The following ARID5B variants were observed in gnomAD, a reference collection of about 807,000 sequenced individuals.
The protein encoded by ARID5B is AT-rich interaction domain 5B, also known as AT-rich interactive domain-containing protein 5B.
A neutral mutation model predicts 97.2 loss-of-function variants in ARID5B; 13 were observed. The observed-to-expected ratio is 0.13, with a 90% CI of 0.09 to 0.21. The LOEUF is 0.21. Among genes scored for constraint, ARID5B ranks in the 10% least tolerant of loss-of-function variants. The pLI is 1.00. For missense variants in ARID5B, 1,210 were observed against 1,465.3 expected (o/e 0.83, Z 2.84); for synonymous variants, 556 against 570.3 (o/e 0.97, Z 0.36).
At chr10:61,903,293 G>C (rs1231722204) in intron 2 of ARID5B, among the ~76,000 whole-genome samples, 2 of 152,002 alleles carry the variant, frequency 1.3e-5, no homozygotes, top group African/African-American at 4.8e-5. Context: ...AGCCTCCCCG[G>C]CACGTTTCTG....
At chr10:62,036,703 A>G (rs1839569484) in intron 4 of ARID5B, among the ~76,000 whole-genome samples, 1 of 152,108 alleles carries the variant, frequency 6.6e-6, no homozygotes, top group South Asian at 2.1e-4. Context: ...CCCTGCAGAG[A>G]CCCAAATGGA....
At chr10:61,987,388 C>A (rs1838862506) in intron 3 of ARID5B, among the ~76,000 whole-genome samples, 1 of 152,202 alleles carries the variant, frequency 6.6e-6, no homozygotes, top group Admixed American at 6.5e-5. Context: ...TGCTACAGAC[C>A]TAGCTCCTGC....
intron 3 of ARID5B, among the ~76,000 whole-genome samples, chr10:61,987,896 A>G (rs1838868725): frequency 6.6e-6 from 1 of 152,166 alleles, no homozygotes; most frequent in South Asian, 2.1e-4. Context: ...CAATTTGTTT[A>G]TTGTCTTTTA....
chr10:61,922,341 G>A (rs910170004), intron 2 of ARID5B, among the ~76,000 whole-genome samples: 6 of 150,946 alleles, frequency 4.0e-5, no homozygotes, highest in Admixed American at 6.6e-5. Context: ...GGTGGCTCAC[G>A]CCTGTAATCC....
chr10:61,964,343 CT>C (rs1838515034), intron 3 of ARID5B, among the ~76,000 whole-genome samples: 1 of 152,150 alleles, frequency 6.6e-6, no homozygotes, highest in Non-Finnish European at 1.5e-5. Context: ...GTATTTTAAA[CT>C]GATGAGGCCA....
chr10:61,981,581 C>T (rs1838777517), intron 3 of ARID5B, among the ~76,000 whole-genome samples: 1 of 152,128 alleles, frequency 6.6e-6, no homozygotes, highest in Non-Finnish European at 1.5e-5. Flanking sequence ...CATGCCTGGC[C>T]TGAGGTTTTT....
At chr10:62,039,382 A>G (rs1380141994) in intron 4 of ARID5B, among the ~76,000 whole-genome samples, 5 of 152,238 alleles carry the variant, frequency 3.3e-5, no homozygotes, top group Non-Finnish European at 7.4e-5. Context: ...CTTAAATGCT[A>G]CAGCAACTAC....
intron 3 of ARID5B, among the ~76,000 whole-genome samples, chr10:61,996,679 G>C (rs1316508870): frequency 6.6e-6 from 1 of 152,022 alleles, no homozygotes; most frequent in African/African-American, 2.4e-5. Flanking sequence ...ATCAGTACTG[G>C]AAATAGCATT....
intron 3 of ARID5B, among the ~76,000 whole-genome samples, chr10:61,995,363 C>T (rs937339411): frequency 9.2e-5 from 14 of 152,078 alleles, no homozygotes; most frequent in East Asian, 1.9e-4. Flanking sequence ...ATATGAAATG[C>T]GTGGGCAAGA....
At chr10:62,057,502 C>G (rs978592122) in intron 6 of ARID5B, among the ~76,000 whole-genome samples, 184 bp downstream of exon 6, 33 of 152,102 alleles carry the variant, frequency 2.2e-4, no homozygotes, top group Non-Finnish European at 4.0e-4. Context: ...CTACATTGTT[C>G]CCTTCTGGGA....
At chr10:61,938,142 A>G (rs553320823) in intron 2 of ARID5B, among the ~76,000 whole-genome samples, 1 of 152,348 alleles carries the variant, frequency 6.6e-6, no homozygotes, top group Admixed American at 6.5e-5. Flanking sequence ...CTGAATCATA[A>G]AAGATGGGTT....
chr10:61,954,454 T>C (rs1380081596), intron 3 of ARID5B, among the ~76,000 whole-genome samples: 1 of 152,194 alleles, frequency 6.6e-6, no homozygotes. Flanking sequence ...ACAGACCTGC[T>C]TTTTACTTCC....
At chr10:61,958,876 G>T (rs1838431224) in intron 3 of ARID5B, among the ~76,000 whole-genome samples, 1 of 152,198 alleles carries the variant, frequency 6.6e-6, no homozygotes, top group African/African-American at 2.4e-5. Flanking sequence ...TTCCACCAAA[G>T]CTCTAGCACT....
At chr10:62,032,776 C>A (rs1466507507) in intron 4 of ARID5B, among the ~76,000 whole-genome samples, 3 of 152,240 alleles carry the variant, frequency 2.0e-5, no homozygotes, top group Non-Finnish European at 4.4e-5. Flanking sequence ...AGAAACAAAA[C>A]CAGGACTTGG....
At chr10:61,922,984 A>G (rs1306143095) in intron 2 of ARID5B, among the ~76,000 whole-genome samples, 6 of 152,216 alleles carry the variant, frequency 3.9e-5, no homozygotes, top group Admixed American at 2.0e-4. Context: ...TTTTTAATGC[A>G]TAATGATGTT....
chr10:61,945,520 T>C (rs1844485282), intron 3 of ARID5B, among the ~76,000 whole-genome samples: 1 of 152,204 alleles, frequency 6.6e-6, no homozygotes, highest in South Asian at 2.1e-4. Context: ...TTAAAGAGTC[T>C]TTGGAAGGTA....
intron 3 of ARID5B, among the ~76,000 whole-genome samples, chr10:61,980,906 G>T (rs1838768015): frequency 6.6e-6 from 1 of 152,122 alleles, no homozygotes; most frequent in Non-Finnish European, 1.5e-5. Context: ...CCAGTAGGTT[G>T]CTCCTCTGGG....
At chr10:62,007,793 CTTGT>C (rs1293293210) in intron 4 of ARID5B, among the ~76,000 whole-genome samples, 1 of 152,008 alleles carries the variant, frequency 6.6e-6, no homozygotes, top group African/African-American at 2.4e-5. Flanking sequence ...TCCAGAAATA[CTTGT>C]TTGTTTGTCC....
At chr10:62,064,068 C>G (rs1265622993) in intron 7 of ARID5B, among the ~76,000 whole-genome samples, 1 of 152,198 alleles carries the variant, frequency 6.6e-6, no homozygotes, top group African/African-American at 2.4e-5. Context: ...GCAACCCTTT[C>G]TCCTGCCACC....
Sources: gnomAD v4.1 joint callset for allele counts (sites outside exome capture counted in the v4.1 genomes callset) on GRCh38, gnomAD v4.1.1 for gene constraint, MANE v1.5 for transcripts, NCBI Gene and HGNC (gene_info 2026-07-23, HGNC 2026-07-21) for gene names.